EFCAB5: variants seen among roughly 807,000 people sequenced by gnomAD.
The protein encoded by EFCAB5 is EF-hand calcium-binding domain-containing protein 5.
In EFCAB5, 131 loss-of-function variants were observed where a neutral mutation model predicts 167.9. That is an observed-to-expected ratio of 0.78 (90% CI 0.68 to 0.90). EFCAB5 has a LOEUF of 0.90. Among genes scored for constraint, EFCAB5 ranks in the 40% least tolerant of loss-of-function variants. EFCAB5 has a pLI of 0.00. For missense variants in EFCAB5, 1,663 were observed against 1,745.2 expected, an observed-to-expected ratio of 0.95 and a Z score of 0.84; for synonymous variants, 574 against 602.8, an observed-to-expected ratio of 0.95 and a Z score of 0.70.
chr17:29,990,779 C>G (rs2068398357), intron 4 of EFCAB5, among the ~76,000 whole-genome samples: 1 of 152,336 alleles, frequency 6.6e-6, no homozygotes. Context: ...AAATCACCCT[C>G]TCTTGTAGCT....
At chr17:30,031,842 T>C (rs1261960337) in intron 7 of EFCAB5, 1 of 151,962 alleles carries the variant, frequency 6.6e-6, no homozygotes, top group Non-Finnish European at 1.5e-5. Context: ...GGCAACATAG[T>C]GAGACCCTAT....
At chr17:29,941,412 T>C (rs983483542), upstream of EFCAB5, among the ~76,000 whole-genome samples, 2 of 152,218 alleles carry the variant, frequency 1.3e-5, no homozygotes, top group African/African-American at 4.8e-5. Context: ...TAGGTAGCCA[T>C]AAAAGTTTCA....
At chr17:30,001,217 A>G (rs1271297297) in intron 7 of EFCAB5, among the ~76,000 whole-genome samples, 1 of 152,188 alleles carries the variant, frequency 6.6e-6, no homozygotes. Context: ...TTTCAGTGGC[A>G]TTAGCCTCTC....
At chr17:29,981,669 G>T (rs1317371441) in intron 4 of EFCAB5, among the ~76,000 whole-genome samples, 1 of 152,092 alleles carries the variant, frequency 6.6e-6, no homozygotes, top group Non-Finnish European at 1.5e-5. Context: ...ACCTATTCCA[G>T]TCTGCCTTAA....
chr17:29,974,946 T>G (rs1051376128), intron 4 of EFCAB5, among the ~76,000 whole-genome samples: 1 of 152,022 alleles, frequency 6.6e-6, no homozygotes, highest in Non-Finnish European at 1.5e-5. Context: ...ATCCCAGCAC[T>G]TTGAGAAGGT....
At chr17:30,011,174 T>C (rs564631092) in intron 7 of EFCAB5, among the ~76,000 whole-genome samples, 2 of 152,356 alleles carry the variant, frequency 1.3e-5, no homozygotes, top group African/African-American at 4.8e-5. Context: ...ATATCTGTTT[T>C]GGTACCAGTA....
chr17:29,974,601 A>G (rs2068027017), intron 4 of EFCAB5, among the ~76,000 whole-genome samples: 1 of 152,150 alleles, frequency 6.6e-6, no homozygotes, highest in East Asian at 1.9e-4. Context: ...GAGCCATGCA[A>G]AAAACTAGAA....
intron 7 of EFCAB5, among the ~76,000 whole-genome samples, chr17:30,006,728 C>A (rs949177576): frequency 6.6e-6 from 1 of 152,226 alleles, no homozygotes; most frequent in Non-Finnish European, 1.5e-5. Context: ...CGGCTCACTG[C>A]AGCCTCAACC....
Sources: gnomAD v4.1 joint callset for allele counts (sites outside exome capture counted in the v4.1 genomes callset) on GRCh38, gnomAD v4.1.1 for gene constraint, MANE v1.5 for transcripts, NCBI Gene and HGNC (gene_info 2026-07-23, HGNC 2026-07-21) for gene names.